The following IFRD1 variants were observed in gnomAD, a reference collection of about 807,000 sequenced individuals.
IFRD1 encodes the protein interferon related developmental regulator 1.
A neutral mutation model predicts 52.9 loss-of-function variants in IFRD1; 35 were observed. The ratio of observed to expected loss-of-function variants is 0.66; its 90% confidence interval spans 0.51 to 0.88. IFRD1 has a LOEUF of 0.88. Ranked by LOEUF, IFRD1 falls within the 40% of genes least tolerant of loss-of-function variation. The pLI, the probability that IFRD1 is intolerant of heterozygous loss-of-function variation, is 0.00. For missense variants in IFRD1, 517 were observed against 550.8 expected (o/e 0.94, Z 0.61); for synonymous variants, 184 against 188.4 (o/e 0.98, Z 0.19).
intron 8 of IFRD1, chr7:112,467,421 G>C (rs1795638725): frequency 1.3e-5 from 2 of 157,288 alleles, no homozygotes; most frequent in Non-Finnish European, 2.8e-5. Context: ...ATCTGCTTAA[G>C]GTCACAGCAA....
chr7:112,426,900 C>A (rs1295341551), intron 1 of IFRD1, among the ~76,000 whole-genome samples: 1 of 152,204 alleles, frequency 6.6e-6, no homozygotes, highest in African/African-American at 2.4e-5. Flanking sequence ...TACCAGTTAC[C>A]TGGAGGCCCC....
chr7:112,472,455 A>T (rs769373051), intron 10 of IFRD1, 108 bp downstream of exon 10: 3 of 1,207,372 alleles, frequency 2.5e-6, no homozygotes, highest in African/African-American at 1.5e-5. Flanking sequence ...GTGCTTCCAC[A>T]TGTTAGAAAA....
intron 1 of IFRD1, among the ~76,000 whole-genome samples, chr7:112,442,683 G>A (rs1563260460): frequency 2.0e-5 from 3 of 152,174 alleles, no homozygotes; most frequent in African/African-American, 4.8e-5. Flanking sequence ...GGACAGCCAC[G>A]GGCCACCTGG....
chr7:112,443,445 G>C (rs544641091), intron 1 of IFRD1, among the ~76,000 whole-genome samples: 1 of 151,592 alleles, frequency 6.6e-6, no homozygotes, highest in Non-Finnish European at 1.5e-5. Context: ...GGATACATGC[G>C]TCTGTATCCC....
At chr7:112,459,082 A>G (rs2894648) in intron 5 of IFRD1, 64 bp downstream of exon 5, 15 of 495,066 alleles carry the variant, frequency 3.0e-5, no homozygotes, top group Non-Finnish European at 4.2e-5. Flanking sequence ...TGGTGCGCCT[A>G]TAGTACTGTA....
chr7:112,424,898 T>C (rs1794396300), intron 1 of IFRD1, among the ~76,000 whole-genome samples: 1 of 152,230 alleles, frequency 6.6e-6, no homozygotes, highest in Admixed American at 6.5e-5. Context: ...TTTGAATTTA[T>C]TGATATTTGT....
chr7:112,434,090 T>C (rs1360001229), intron 1 of IFRD1, among the ~76,000 whole-genome samples: 1 of 152,214 alleles, frequency 6.6e-6, no homozygotes, highest in African/African-American at 2.4e-5. Context: ...CCCAAAGTGC[T>C]AGGATTACAG....
At chr7:112,428,398 C>T (rs890367481) in intron 1 of IFRD1, among the ~76,000 whole-genome samples, 26 of 151,968 alleles carry the variant, frequency 1.7e-4, no homozygotes, top group African/African-American at 4.8e-4. Context: ...AAACAGGGAA[C>T]GAGTTTGGAA....
chr7:112,451,038 G>A, intron 1 of IFRD1: 1 of 533,700 alleles, frequency 1.9e-6, no homozygotes, highest in Non-Finnish European at 3.4e-6. Context: ...GGGCCTGAGA[G>A]TGTGTCGGGA....
intron 1 of IFRD1, chr7:112,437,395 T>C (rs888213813): frequency 6.5e-6 from 1 of 153,184 alleles, no homozygotes; most frequent in Non-Finnish European, 1.5e-5. Context: ...TTTTCTATAA[T>C]AATGATGATG....
chr7:112,447,452 A>G (rs1301264313), upstream of IFRD1, among the ~76,000 whole-genome samples: 1 of 152,214 alleles, frequency 6.6e-6, no homozygotes, highest in Non-Finnish European at 1.5e-5. Flanking sequence ...TTTCCCCTTC[A>G]TTCTTAACAA....
intron 1 of IFRD1, among the ~76,000 whole-genome samples, chr7:112,451,626 T>A (rs1795168558): frequency 6.6e-6 from 1 of 152,180 alleles, no homozygotes; most frequent in Non-Finnish European, 1.5e-5. Flanking sequence ...GTGGGATGAG[T>A]AGGTGCTTAA....
intron 1 of IFRD1, among the ~76,000 whole-genome samples, chr7:112,455,407 C>T (rs763537766): frequency 2.6e-5 from 4 of 152,032 alleles, no homozygotes; most frequent in African/African-American, 4.8e-5. Context: ...ATTGCTCGAA[C>T]CCAGGAGGTG....
At chr7:112,433,863 C>T (rs6977129) in intron 1 of IFRD1, among the ~76,000 whole-genome samples, 70,901 of 152,100 alleles carry the variant, frequency 0.47, 19,507 homozygotes, top group Non-Finnish European at 0.6. Context: ...CTAGGCCGCC[C>T]AGGCTGGAGT....
At chr7:112,465,967 T>C (rs1339281900) in intron 8 of IFRD1, among the ~76,000 whole-genome samples, 1 of 152,208 alleles carries the variant, frequency 6.6e-6, no homozygotes, top group African/African-American at 2.4e-5. Context: ...TTCTTTTTTT[T>C]CAGATGATAA....
chr7:112,469,495 T>C (rs1363421447), intron 9 of IFRD1, among the ~76,000 whole-genome samples: 4 of 152,206 alleles, frequency 2.6e-5, no homozygotes, highest in Non-Finnish European at 4.4e-5. Context: ...ATAATTAGTG[T>C]GGCAGTATCT....
At position 112,429,466 on chromosome 7, in the gene IFRD1, C is replaced by T. The variant is rs539846058; in HGVS notation, c.-182+6034C>T. ...TATTTGGAACACAGCATGCTGTCAT[C>T]TGCAGTCACAGAGGTGTGCTGGACC... On this transcript the variant is annotated intron_variant, in intron 1 of 12. Coordinates refer to the IFRD1 transcript ENST00000005558. 3.9e-5 allele frequency among the ~76,000 whole-genome samples: 6 copies of T among 152,352 alleles called. No individual in the cohort carries two copies. In the South Asian group the frequency reaches 1.0e-3, roughly 26 times the overall value.
chr7:112,423,394 C>T (rs1014362306), exon 1 of IFRD1: 2 of 152,190 alleles, frequency 1.3e-5, no homozygotes, highest in African/African-American at 4.8e-5. Context: ...AAGAACTTTA[C>T]GTGGACATCC....
chr7:112,458,598 A>G (rs1795352105), intron 4 of IFRD1, among the ~76,000 whole-genome samples: 1 of 152,236 alleles, frequency 6.6e-6, no homozygotes, highest in African/African-American at 2.4e-5. Context: ...TCTCCATTTT[A>G]CAGATGAGGA....
Sources: gnomAD v4.1 joint callset for allele counts (sites outside exome capture counted in the v4.1 genomes callset) on GRCh38, gnomAD v4.1.1 for gene constraint, MANE v1.5 for transcripts, NCBI Gene and HGNC (gene_info 2026-07-23, HGNC 2026-07-21) for gene names.